GRK3: variants seen among roughly 807,000 people sequenced by gnomAD.
GRK3 encodes adrenergic, beta, receptor kinase 2.
Under a neutral mutation model 95.7 loss-of-function variants are expected in GRK3, and 54 were observed. The observed-to-expected ratio is 0.56, with a 90% CI of 0.45 to 0.71. The LOEUF is 0.71. GRK3 is among the 30% of genes least tolerant of loss of function. GRK3 has a pLI of 0.00. For missense variants in GRK3, 649 were observed against 851.2 expected (o/e 0.76, Z 2.96); for synonymous variants, 281 against 290.8 (o/e 0.97, Z 0.34).
At chr22:25,666,381 G>A (rs910486818) in intron 5 of GRK3, among the ~76,000 whole-genome samples, 6 of 152,104 alleles carry the variant, frequency 3.9e-5, no homozygotes, top group Non-Finnish European at 8.8e-5. Context: ...GAGACTTGTC[G>A]AGGACTTGGC....
At chr22:25,622,907 T>G (rs2084597313) in intron 2 of GRK3, among the ~76,000 whole-genome samples, 1 of 152,088 alleles carries the variant, frequency 6.6e-6, no homozygotes, top group Non-Finnish European at 1.5e-5. Flanking sequence ...TTTCTGTAAT[T>G]TAGGGGAATA....
intron 13 of GRK3, among the ~76,000 whole-genome samples, chr22:25,698,909 G>C (rs547950487): frequency 6.6e-6 from 1 of 152,216 alleles, no homozygotes; most frequent in Non-Finnish European, 1.5e-5. Context: ...AGTGTGTTTT[G>C]TTTTTGTTTT....
intron 11 of GRK3, 106 bp from the exon 12 acceptor site, chr22:25,690,083 C>CA (rs2085153029): frequency 1.3e-6 from 1 of 757,606 alleles, no homozygotes; most frequent in Non-Finnish European, 2.2e-6. Context: ...TGTTTAGGAA[C>CA]AAACTATGAT....
intron 1 of GRK3, among the ~76,000 whole-genome samples, chr22:25,589,055 C>G (rs1475789117): frequency 6.6e-6 from 1 of 152,134 alleles, no homozygotes; most frequent in Non-Finnish European, 1.5e-5. Flanking sequence ...ATAGAGCCAC[C>G]AAGCCCACTC....
chr22:25,614,305 T>C (rs1379984130), intron 2 of GRK3, among the ~76,000 whole-genome samples: 1 of 152,092 alleles, frequency 6.6e-6, no homozygotes, highest in East Asian at 1.9e-4. Context: ...GGCTAATTTT[T>C]GTATTTTTTG....
chr22:25,647,762 A>T lies in GRK3; in HGVS notation c.264+3097A>T, dbSNP rs907090397. On this transcript the variant is annotated intron_variant, in intron 3 of 20. Coordinates refer to ENST00000324198, the MANE Select transcript of GRK3 (RefSeq NM_005160.4). ...TATTTTGGCAAAATGGGGAGAAAAG[A>T]TGCTGAAAGATTACTTCTGAATCCT... 4.0e-5 allele frequency: 41 copies of T among 1,024,220 alleles called. 1 individual carries two copies. Among genetic ancestry groups the T allele is most frequent in the Non-Finnish European group, 1.4e-5 (9 of 646,706 alleles). 63.4% of individuals were successfully genotyped at this position (1,024,220 alleles called of 1,614,324 possible). A position where few individuals can be genotyped will look rare whatever the true frequency, so the allele number is the denominator to read the frequency against.
At chr22:25,611,519 G>A (rs2146347425) in intron 2 of GRK3, among the ~76,000 whole-genome samples, 1 of 152,262 alleles carries the variant, frequency 6.6e-6, no homozygotes, top group South Asian at 2.1e-4. Context: ...CATTTGAATG[G>A]ATAGGAAGTG....
intron 2 of GRK3, among the ~76,000 whole-genome samples, chr22:25,642,291 G>A (rs376088773): frequency 2.6e-5 from 4 of 152,220 alleles, no homozygotes; most frequent in African/African-American, 9.6e-5. Context: ...AAATTAGCCG[G>A]CCATGATCGC....
intron 2 of GRK3, among the ~76,000 whole-genome samples, chr22:25,616,408 AAGAG>A (rs1473021846): frequency 6.8e-6 from 1 of 147,354 alleles, no homozygotes; most frequent in Middle Eastern, 3.6e-3. Context: ...GAGAGAGAGA[AAGAG>A]AGAGAGGCGA....
chr22:25,645,845 C>T (rs756085001), intron 3 of GRK3, among the ~76,000 whole-genome samples: 4 of 151,294 alleles, frequency 2.6e-5, no homozygotes, highest in South Asian at 4.2e-4. Flanking sequence ...GGTGTGAACC[C>T]GGGAGGTGGA....
chr22:25,672,348 G>A lies in GRK3; in HGVS notation c.555+1G>A. 6.9e-7 allele frequency: 1 copy of A among 1,443,182 alleles called. No individual in the cohort carries two copies. Among genetic ancestry groups the A allele is most frequent in the Admixed American group, 1.8e-5 (1 of 54,898 alleles). The allele number at this position is 1,443,182 out of a possible 1,614,324, so 89.4% of individuals were successfully genotyped here. On this transcript the variant is annotated splice_donor_variant, in intron 7 of 20. Transcript: ENST00000324198. LOFTEE classifies it high-confidence loss of function. ...GAAAAACGTTGAATTAAATATCCAT[G>A]TGAGTATCATCTTTTTCTTTTTTCA...
At chr22:25,589,384 C>T (rs182616371) in intron 1 of GRK3, among the ~76,000 whole-genome samples, 220 of 152,150 alleles carry the variant, frequency 1.4e-3, no homozygotes, top group African/African-American at 4.9e-3. Context: ...CAACCACTTT[C>T]GTAGTAGAAA....
chr22:25,565,967 C>A (rs543745863), intron 1 of GRK3, among the ~76,000 whole-genome samples: 3 of 151,970 alleles, frequency 2.0e-5, no homozygotes, highest in African/African-American at 7.3e-5. Context: ...GCGAGGGGCT[C>A]GGTGAGGTGC....
rs16980560 is a variant in GRK3, at chr22:25,685,344, C to T, written c.826+96C>T. On this transcript the variant is annotated intron_variant, in intron 10 of 20. Coordinates refer to ENST00000324198, the MANE Select transcript of GRK3 (RefSeq NM_005160.4). ...ATCTAGGCAGACTGGCAATGTGGGT[C>T]TTTCAGGTAATTAGGTTCCCCCTGA... is the stretch of plus-strand genomic sequence containing the variant. The T allele has an allele frequency of 0.025, 22,887 of 926,136 alleles. 3,127 individuals are homozygous for T. The African/African-American group carries it at 0.31, about 13-fold the overall frequency. The allele number at this position is 926,136 out of a possible 1,614,324, so 57.4% of individuals were successfully genotyped here.
At position 25,579,027 on chromosome 22, in the gene GRK3, C is replaced by T. The variant is rs1238470139; in HGVS notation, c.113+13874C>T. On this transcript the variant is annotated intron_variant, in intron 1 of 20. Coordinates refer to ENST00000324198, the MANE Select transcript of GRK3 (RefSeq NM_005160.4). ...CACCACCAGCAGTAGAACCAAGGCA[C>T]CTACTCTGTCTCTGAATAGTGGCAA... is the stretch of plus-strand genomic sequence containing the variant. 2.6e-5 allele frequency among the ~76,000 whole-genome samples: 4 copies of T among 152,228 alleles called. No homozygotes were observed. In the East Asian group the frequency reaches 7.7e-4, roughly 29 times the overall value.
chr22:25,639,731 A>T (rs897311094), intron 2 of GRK3, among the ~76,000 whole-genome samples: 4 of 152,162 alleles, frequency 2.6e-5, no homozygotes, highest in African/African-American at 7.2e-5. Flanking sequence ...TTGTAATTGC[A>T]CTGAATCTAC....
intron 1 of GRK3, among the ~76,000 whole-genome samples, chr22:25,603,402 T>G (rs1484850042): frequency 6.6e-6 from 1 of 152,218 alleles, no homozygotes; most frequent in Non-Finnish European, 1.5e-5. Flanking sequence ...TAATCCATCC[T>G]TTCCCCATTT....
At chr22:25,655,479 G>C (rs2084863881) in intron 3 of GRK3, among the ~76,000 whole-genome samples, 1 of 152,188 alleles carries the variant, frequency 6.6e-6, no homozygotes, top group South Asian at 2.1e-4. Context: ...TAGCAAGTCT[G>C]TTTGTGCAGC....
chr22:25,598,772 T>G (rs1382384531), intron 1 of GRK3, among the ~76,000 whole-genome samples: 1 of 151,838 alleles, frequency 6.6e-6, no homozygotes, highest in Non-Finnish European at 1.5e-5. Flanking sequence ...CAACACAATT[T>G]TGAAAACAGA....
Sources: gnomAD v4.1 joint callset for allele counts (sites outside exome capture counted in the v4.1 genomes callset) on GRCh38, gnomAD v4.1.1 for gene constraint, MANE v1.5 for transcripts, NCBI Gene and HGNC (gene_info 2026-07-23, HGNC 2026-07-21) for gene names.